Variants in IL1RAP observed in about 807,000 individuals in gnomAD.
IL1RAP encodes the protein interleukin-1 receptor accessory protein.
IL1RAP carries 35 observed loss-of-function variants against 60.7 expected under a neutral mutation model. The observed-to-expected ratio is 0.58, with a 90% CI of 0.44 to 0.76. IL1RAP has a LOEUF of 0.76. Ranked by LOEUF, IL1RAP falls within the 30% of genes least tolerant of loss-of-function variation. The pLI, the probability that IL1RAP is intolerant of heterozygous loss-of-function variation, is 0.00. For synonymous variants in IL1RAP, 268 were observed against 250.9 expected, an observed-to-expected ratio of 1.07 and a Z score of -0.64; for missense variants, 572 against 693.9, an observed-to-expected ratio of 0.82 and a Z score of 1.97.
intron 1 of IL1RAP, among the ~76,000 whole-genome samples, chr3:190,523,088 T>C (rs1407887625): frequency 6.6e-6 from 1 of 152,320 alleles, no homozygotes; most frequent in East Asian, 1.9e-4. Context: ...TGCATGACTT[T>C]GTTTAACTTA....
At chr3:190,541,592 C>A in intron 1 of IL1RAP, among the ~76,000 whole-genome samples, 1 of 152,124 alleles carries the variant, frequency 6.6e-6, no homozygotes, top group African/African-American at 2.4e-5. Context: ...TCTGATTTGA[C>A]AATTCATTAG....
intron 5 of IL1RAP, among the ~76,000 whole-genome samples, chr3:190,616,048 T>C (rs548696761): frequency 6.6e-6 from 1 of 152,334 alleles, no homozygotes; most frequent in South Asian, 2.1e-4. Context: ...CATATAATTC[T>C]ATATGTGTAC....
downstream of IL1RAP, among the ~76,000 whole-genome samples, chr3:190,654,708 C>G (rs143726789): frequency 2.9e-3 from 443 of 152,346 alleles, no homozygotes; most frequent in Non-Finnish European, 5.3e-3. Context: ...GCTGAAAACT[C>G]TCTCCGTTAC....
intron 3 of IL1RAP, among the ~76,000 whole-genome samples, chr3:190,575,416 T>G (rs1727352571): frequency 6.6e-6 from 1 of 152,236 alleles, no homozygotes; most frequent in Non-Finnish European, 1.5e-5. Context: ...CAAATTTTTA[T>G]AAGAAGTTCT....
At chr3:190,553,771 G>C (rs2098573) in intron 1 of IL1RAP, among the ~76,000 whole-genome samples, 89,774 of 152,050 alleles carry the variant, frequency 0.59, 27,390 homozygotes, top group Middle Eastern at 0.67. Flanking sequence ...TTAGAAATGA[G>C]AGGGAAAGGC....
chr3:190,543,671 T>C (rs1462931584), intron 1 of IL1RAP, among the ~76,000 whole-genome samples: 1 of 151,894 alleles, frequency 6.6e-6, no homozygotes, highest in Non-Finnish European at 1.5e-5. Flanking sequence ...GCAGAAGAGA[T>C]GAGTAAAGGG....
At chr3:190,639,352 GTGTT>G in intron 9 of IL1RAP, among the ~76,000 whole-genome samples, 1 of 151,986 alleles carries the variant, frequency 6.6e-6, no homozygotes, top group Non-Finnish European at 1.5e-5. Flanking sequence ...TCCCTGCTCT[GTGTT>G]TGTGTAGTTT....
At chr3:190,559,418 T>C (rs1560168702) in intron 2 of IL1RAP, among the ~76,000 whole-genome samples, 1 of 152,148 alleles carries the variant, frequency 6.6e-6, no homozygotes, top group Non-Finnish European at 1.5e-5. Context: ...TCCTTTATTA[T>C]GCTTGTTTCA....
chr3:190,624,494 A>C (rs1414367856), intron 7 of IL1RAP: 1 of 152,204 alleles, frequency 6.6e-6, no homozygotes, highest in Non-Finnish European at 1.5e-5. Context: ...TTGGAGTGTG[A>C]CACGAGTGAC....
chr3:190,648,391 G>A lies in IL1RAP; in HGVS notation c.1399G>A (p.Val467Ile). Residue 467 changes from valine to isoleucine, a missense_variant, in exon 12 of 12, where the codon GTT (valine) becomes ATT (isoleucine). Val to Ile is a conservative substitution (Grantham distance 29). Coordinates refer to ENST00000447382, the MANE Select transcript of IL1RAP (RefSeq NM_002182.4). Reference protein sequence around the residue: ...FIQKSRRLLVVLSPNYVLQGT... With the variant: ...FIQKSRRLLVILSPNYVLQGT... ...TCAGAAAAGCAGACGCCTCCTGGTT[G>A]TTCTAAGCCCCAACTACGTGCTCCA... 6.2e-7 allele frequency: 1 copy of A among 1,612,022 alleles called. No homozygotes were observed. The highest frequency in any genetic ancestry group is 8.5e-7 in the Non-Finnish European group (1 of 1,179,446).
At chr3:190,636,885 T>C (rs997140212) in intron 9 of IL1RAP, among the ~76,000 whole-genome samples, 3 of 152,178 alleles carry the variant, frequency 2.0e-5, no homozygotes, top group African/African-American at 7.2e-5. Flanking sequence ...TCTAGACTAA[T>C]TGGTATTTTC....
At chr3:190,579,545 T>C (rs1727802489) in intron 3 of IL1RAP, among the ~76,000 whole-genome samples, 1 of 152,218 alleles carries the variant, frequency 6.6e-6, no homozygotes, top group African/African-American at 2.4e-5. Flanking sequence ...TTCTTTTTCC[T>C]GGCAGACCCA....
chr3:190,546,485 A>G (rs1002872463), intron 1 of IL1RAP, among the ~76,000 whole-genome samples: 2 of 152,272 alleles, frequency 1.3e-5, no homozygotes, highest in African/African-American at 4.8e-5. Context: ...ACTGATTTGT[A>G]TACTTAATAA....
chr3:190,607,133 G>A (rs6773523), intron 4 of IL1RAP, among the ~76,000 whole-genome samples: 12,043 of 151,896 alleles, frequency 0.079, 944 homozygotes, highest in African/African-American at 0.2. Flanking sequence ...CTCTTTGAGA[G>A]TGCATACCCC....
rs958348126 is a variant in IL1RAP at position 190,649,051 on chromosome 3, T to C, written c.*346T>C. On this transcript the variant is annotated 3_prime_UTR_variant, in exon 12 of 12. Transcript: ENST00000447382. ...CATATGGAGCAGCCTTTCCTATGAA[T>C]TTAAATATGCCTTTAAAATAAGTCA... The C allele has an allele frequency of 1.0e-6, 1 of 1,003,940 alleles. No homozygotes were observed. 62.2% of individuals were successfully genotyped at this position (1,003,940 alleles called of 1,614,324 possible). A position where few individuals can be genotyped will look rare whatever the true frequency, so the allele number is the denominator to read the frequency against.
rs1445338056 is a variant in IL1RAP at position 190,573,143 on chromosome 3, G to A, written c.64+8790G>A. Among the ~76,000 whole-genome samples the A allele has an allele frequency of 1.3e-5, 2 of 151,234 alleles. 1 individual carries two copies. The highest frequency in any genetic ancestry group is 2.9e-5 in the Non-Finnish European group (2 of 67,814). The stretch of plus-strand genomic sequence containing the variant: ...CTCCCAAAGTTCTGGGATTACAGGC[G>A]TGAGAATGCTTTGTTAATCAGGATA... On this transcript the variant is annotated intron_variant, in intron 3 of 11. Coordinates refer to ENST00000447382, the MANE Select transcript of IL1RAP (RefSeq NM_002182.4).
At chr3:190,577,362 G>T (rs1450055423) in intron 3 of IL1RAP, among the ~76,000 whole-genome samples, 1 of 152,158 alleles carries the variant, frequency 6.6e-6, no homozygotes, top group Non-Finnish European at 1.5e-5. Flanking sequence ...CAATTTTTAG[G>T]AAGCTTTTGA....
At chr3:190,599,140 G>A (rs1309471782) in intron 3 of IL1RAP, among the ~76,000 whole-genome samples, 1 of 152,030 alleles carries the variant, frequency 6.6e-6, no homozygotes, top group Non-Finnish European at 1.5e-5. Flanking sequence ...CCAAGCCCTG[G>A]TGCATAAATT....
intron 1 of IL1RAP, among the ~76,000 whole-genome samples, chr3:190,548,641 A>T (rs938037437): frequency 1.3e-5 from 2 of 152,232 alleles, no homozygotes; most frequent in African/African-American, 4.8e-5. Context: ...TAAACAAAAC[A>T]GATCAGGGCA....
Sources: allele counts gnomAD v4.1 joint callset (sites outside exome capture counted in the v4.1 genomes callset), GRCh38; gene constraint gnomAD v4.1.1; transcripts MANE v1.5; gene names NCBI Gene and HGNC (gene_info 2026-07-23, HGNC 2026-07-21).